The following RPH3A variants were observed in gnomAD, a reference collection of about 807,000 sequenced individuals.
The protein encoded by RPH3A is rabphilin-3A.
In RPH3A, 48 loss-of-function variants were observed where a neutral mutation model predicts 102.2. That is an observed-to-expected ratio of 0.47 (90% CI 0.37 to 0.60). RPH3A has a LOEUF of 0.60. Among genes scored for constraint, RPH3A ranks in the 20% least tolerant of loss-of-function variants. The pLI is 0.00. For missense variants in RPH3A, 781 were observed against 910.1 expected, an observed-to-expected ratio of 0.86 and a Z score of 1.83; for synonymous variants, 310 against 324.3, an observed-to-expected ratio of 0.96 and a Z score of 0.47.
intron 1 of RPH3A, among the ~76,000 whole-genome samples, chr12:112,648,744 C>CAAA (rs1197742131): frequency 0.011 from 671 of 58,704 alleles, 8 homozygotes; most frequent in African/African-American, 0.043. Flanking sequence ...GACACGGTCT[C>CAAA]AAAAAAAAAA....
chr12:112,611,840 A>AG (rs2039641375), intron 1 of RPH3A, among the ~76,000 whole-genome samples: 1 of 151,862 alleles, frequency 6.6e-6, no homozygotes, highest in Admixed American at 6.6e-5. Context: ...AAAAAAAAAA[A>AG]GGGAAAAATA....
At chr12:112,749,576 A>G (rs2040772189) in intron 1 of RPH3A, among the ~76,000 whole-genome samples, 1 of 152,222 alleles carries the variant, frequency 6.6e-6, no homozygotes, top group South Asian at 2.1e-4. Context: ...CCTGAAATAA[A>G]GATACTGACA....
rs766995265 is a variant in RPH3A, at chr12:112,881,882, G to A, written c.1326+36G>A. ...GCCTGGGCTTCTCTGCAAACCGGGT[G>A]CATGGGCCCTGGCAGATACCCAGGG... On this transcript the variant is annotated intron_variant, in intron 15 of 21. Coordinates refer to ENST00000389385, the MANE Select transcript of RPH3A (RefSeq NM_001143854.2). The A allele has an allele frequency of 7.7e-6, 12 of 1,559,858 alleles. No individual in the cohort carries two copies. The African/African-American group carries it at 1.4e-4, about 18-fold the overall frequency.
At chr12:112,724,377 A>G (rs749358252) in intron 1 of RPH3A, among the ~76,000 whole-genome samples, 1 of 152,086 alleles carries the variant, frequency 6.6e-6, no homozygotes, top group Non-Finnish European at 1.5e-5. Flanking sequence ...TATTTTTTTA[A>G]TATTTTTTGG....
rs565157261 is a variant in RPH3A, at chr12:112,724,121, A to G, written c.-139-68022A>G. Among the ~76,000 whole-genome samples the G allele has an allele frequency of 3.4e-5, 5 of 147,894 alleles. No homozygotes were observed. In the South Asian group the frequency reaches 8.5e-4, roughly 25 times the overall value. On this transcript the variant is annotated intron_variant, in intron 1 of 21. Transcript: ENST00000543106. ...GTCATCCAGGCTGTGCAGTGGTGCA[A>G]TCGTGGCTCACTGAAGCCTCATCCT...
At chr12:112,839,630 C>T (rs1338246430) in intron 4 of RPH3A, among the ~76,000 whole-genome samples, 3 of 152,314 alleles carry the variant, frequency 2.0e-5, no homozygotes, top group East Asian at 3.9e-4. Context: ...AGTGCAACAT[C>T]ACTCCCCTGC....
At chr12:112,642,766 G>T (rs534495039) in intron 1 of RPH3A, among the ~76,000 whole-genome samples, 2 of 152,238 alleles carry the variant, frequency 1.3e-5, no homozygotes, top group Middle Eastern at 6.8e-3. Flanking sequence ...TTAAGTACCA[G>T]GCACTCTTCT....
At chr12:112,751,384 G>T (rs951881896) in intron 1 of RPH3A, among the ~76,000 whole-genome samples, 2 of 152,204 alleles carry the variant, frequency 1.3e-5, no homozygotes, top group Admixed American at 6.5e-5. Context: ...GTTTGTAGTT[G>T]TGTGACGTTG....
intron 10 of RPH3A, among the ~76,000 whole-genome samples, chr12:112,871,727 A>G (rs1400235087): frequency 1.4e-5 from 2 of 147,358 alleles, no homozygotes; most frequent in Non-Finnish European, 1.5e-5. Flanking sequence ...CACACATAAT[A>G]TAGTGTACAT....
chr12:112,687,289 T>C (rs191642807), intron 1 of RPH3A, among the ~76,000 whole-genome samples: 1 of 152,318 alleles, frequency 6.6e-6, no homozygotes, highest in East Asian at 1.9e-4. Context: ...TTTTATCTCT[T>C]CTCTAGCCTC....
chr12:112,737,925 A>G (rs955092689), intron 1 of RPH3A, among the ~76,000 whole-genome samples: 1 of 152,176 alleles, frequency 6.6e-6, no homozygotes, highest in Non-Finnish European at 1.5e-5. Context: ...CTGCTTTAAT[A>G]AGTTACCACA....
At chr12:112,726,108 G>C (rs2040588695) in intron 1 of RPH3A, among the ~76,000 whole-genome samples, 1 of 149,902 alleles carries the variant, frequency 6.7e-6, no homozygotes, top group African/African-American at 2.5e-5. Flanking sequence ...TTTTTCGGGG[G>C]GGTGGGGGGT....
intron 1 of RPH3A, among the ~76,000 whole-genome samples, chr12:112,739,145 T>C (rs1057356027): frequency 1.3e-5 from 2 of 152,190 alleles, no homozygotes; most frequent in African/African-American, 2.4e-5. Context: ...TTCACATTTC[T>C]TCTCTGCCAA....
chr12:112,835,203 T>C (rs975352874), intron 3 of RPH3A, among the ~76,000 whole-genome samples: 10 of 152,236 alleles, frequency 6.6e-5, no homozygotes, highest in Admixed American at 3.9e-4. Context: ...TATTGAACTC[T>C]GTTCGTTTCC....
intron 4 of RPH3A, 82 bp from the exon 5 acceptor site, chr12:112,847,614 T>G: frequency 1.4e-6 from 2 of 1,465,762 alleles, no homozygotes; most frequent in Non-Finnish European, 1.9e-6. Flanking sequence ...TTGTCCACAG[T>G]TTCCCAGACA....
chr12:112,863,598 C>T (rs907225418), intron 5 of RPH3A, among the ~76,000 whole-genome samples: 5 of 152,228 alleles, frequency 3.3e-5, no homozygotes, highest in African/African-American at 4.8e-5. Context: ...GGATTACAGG[C>T]GTGAGCCACC....
chr12:112,806,370 C>T (rs1329796816), intron 2 of RPH3A, among the ~76,000 whole-genome samples: 2 of 152,192 alleles, frequency 1.3e-5, no homozygotes, highest in African/African-American at 2.4e-5. Flanking sequence ...TACACTGGCT[C>T]ACGCCTGTAA....
intron 1 of RPH3A, among the ~76,000 whole-genome samples, chr12:112,608,503 G>T (rs2039615422): frequency 6.6e-6 from 1 of 152,102 alleles, no homozygotes; most frequent in Non-Finnish European, 1.5e-5. Flanking sequence ...TGTGCTTTGG[G>T]GGAACACTTC....
At chr12:112,795,981 CTGTATGA>C (rs2041220437) in intron 2 of RPH3A, among the ~76,000 whole-genome samples, 1 of 152,166 alleles carries the variant, frequency 6.6e-6, no homozygotes, top group African/African-American at 2.4e-5. Context: ...AGTTGTGTAG[CTGTATGA>C]CTCACAAGAG....
Sources: gnomAD v4.1 joint callset for allele counts (sites outside exome capture counted in the v4.1 genomes callset) on GRCh38, gnomAD v4.1.1 for gene constraint, MANE v1.5 for transcripts, NCBI Gene and HGNC (gene_info 2026-07-23, HGNC 2026-07-21) for gene names.